The following ARL15 variants were observed in gnomAD, a reference collection of about 807,000 sequenced individuals.
ARL15 encodes the protein ARF like GTPase 15.
In ARL15, 19 loss-of-function variants were observed where a neutral mutation model predicts 25.2. The observed-to-expected ratio is 0.75, with a 90% CI of 0.53 to 1.10. The LOEUF (loss-of-function observed/expected upper bound fraction) is 1.10. Among genes scored for constraint, ARL15 ranks in the 50% least tolerant of loss-of-function variants. The probability of loss-of-function intolerance (pLI) is 0.00; values close to 1 mark genes in which losing one functional copy is unlikely to be tolerated. For synonymous variants in ARL15, 94 were observed against 86.8 expected (o/e 1.08, Z -0.46); for missense variants, 220 against 246.0 (o/e 0.89, Z 0.71).
chr5:54,193,369 C>T (rs1467219054), intron 1 of ARL15, among the ~76,000 whole-genome samples: 1 of 152,122 alleles, frequency 6.6e-6, no homozygotes, highest in East Asian at 1.9e-4. Flanking sequence ...TCCTCAACCC[C>T]CAGGCAGTGA....
intron 4 of ARL15, among the ~76,000 whole-genome samples, chr5:54,040,811 T>C (rs1750320320): frequency 6.6e-6 from 1 of 152,198 alleles, no homozygotes; most frequent in African/African-American, 2.4e-5. Flanking sequence ...GTGTAGTTTT[T>C]ATAGTGCATC....
chr5:53,954,686 T>A (rs1318791082), intron 4 of ARL15, among the ~76,000 whole-genome samples: 1 of 152,172 alleles, frequency 6.6e-6, no homozygotes, highest in Admixed American at 6.5e-5. Flanking sequence ...ATATTTTACA[T>A]AAATAGACTC....
intron 4 of ARL15, among the ~76,000 whole-genome samples, chr5:54,097,107 G>A: frequency 6.6e-6 from 1 of 152,120 alleles, no homozygotes; most frequent in Non-Finnish European, 1.5e-5. Flanking sequence ...ATGAGGTCAA[G>A]AGATCAAGAC....
chr5:54,271,397 C>A (rs2112645719), intron 1 of ARL15, among the ~76,000 whole-genome samples: 1 of 152,290 alleles, frequency 6.6e-6, no homozygotes, highest in African/African-American at 2.4e-5. Flanking sequence ...AACCTATGCA[C>A]ATCCTCCTAC....
At chr5:54,195,625 T>C (rs1243326266) in intron 1 of ARL15, among the ~76,000 whole-genome samples, 1 of 152,112 alleles carries the variant, frequency 6.6e-6, no homozygotes, top group East Asian at 1.9e-4. Context: ...CAATCAGAAA[T>C]GTGTAAAGGA....
chr5:54,275,404 G>A (rs1041702886), intron 1 of ARL15, among the ~76,000 whole-genome samples: 4 of 152,174 alleles, frequency 2.6e-5, no homozygotes, highest in East Asian at 1.9e-4. Flanking sequence ...GTATCATCAC[G>A]TACCTTAAGT....
chr5:54,156,591 T>C (rs577666899), intron 2 of ARL15, among the ~76,000 whole-genome samples: 3 of 152,246 alleles, frequency 2.0e-5, no homozygotes, highest in Non-Finnish European at 4.4e-5. Context: ...TAGTTGGAGA[T>C]GTAAAAGTTA....
intron 4 of ARL15, among the ~76,000 whole-genome samples, chr5:54,110,342 C>A (rs1025377695): frequency 6.6e-6 from 1 of 151,938 alleles, no homozygotes; most frequent in Non-Finnish European, 1.5e-5. Flanking sequence ...CACTCATCAA[C>A]CAATAGTGTG....
At chr5:54,209,737 T>C (rs1268447941) in intron 1 of ARL15, among the ~76,000 whole-genome samples, 3 of 152,140 alleles carry the variant, frequency 2.0e-5, no homozygotes, top group African/African-American at 7.2e-5. Context: ...TACCTAGACA[T>C]TGGCCAGACA....
At chr5:54,052,841 G>T (rs1455778165) in intron 4 of ARL15, among the ~76,000 whole-genome samples, 1 of 152,036 alleles carries the variant, frequency 6.6e-6, no homozygotes, top group Non-Finnish European at 1.5e-5. Flanking sequence ...GCAGATCTTG[G>T]TTTCTGATTC....
At chr5:54,306,047 A>T (rs1345682800) in intron 1 of ARL15, among the ~76,000 whole-genome samples, 1 of 152,208 alleles carries the variant, frequency 6.6e-6, no homozygotes, top group African/African-American at 2.4e-5. Flanking sequence ...TGCCTTACTT[A>T]ACCTGTCCTG....
intron 1 of ARL15, among the ~76,000 whole-genome samples, chr5:54,215,439 C>G (rs1057485501): frequency 6.6e-6 from 1 of 152,136 alleles, no homozygotes; most frequent in Non-Finnish European, 1.5e-5. Context: ...TTCCCTGTAA[C>G]ACCATCTGGA....
intron 4 of ARL15, among the ~76,000 whole-genome samples, chr5:54,080,551 A>AAC (rs1186132166): frequency 6.6e-6 from 1 of 152,218 alleles, no homozygotes; most frequent in African/African-American, 2.4e-5. Flanking sequence ...AAAAAGGCCT[A>AAC]ACGTTTTGTG....
At chr5:54,310,314 G>A in intron 1 of ARL15, 118 bp downstream of exon 1, 4 of 1,173,508 alleles carry the variant, frequency 3.4e-6, no homozygotes, top group Non-Finnish European at 4.7e-6. Context: ...GCGGGAGAAA[G>A]AACCCCAGAG....
intron 3 of ARL15, chr5:54,154,368 C>A (rs1036482379): frequency 7.2e-6 from 3 of 416,194 alleles, no homozygotes; most frequent in African/African-American, 2.1e-5. Flanking sequence ...TTGATTCATT[C>A]AAAAAACCCC....
At chr5:54,022,090 G>A (rs1371257121) in intron 4 of ARL15, among the ~76,000 whole-genome samples, 1 of 151,926 alleles carries the variant, frequency 6.6e-6, no homozygotes, top group Admixed American at 6.6e-5. Flanking sequence ...TCAGACGAAG[G>A]GAAACTCAGA....
At chr5:54,061,239 T>C (rs887618313) in intron 4 of ARL15, among the ~76,000 whole-genome samples, 12 of 152,252 alleles carry the variant, frequency 7.9e-5, no homozygotes, top group Middle Eastern at 6.8e-3. Flanking sequence ...TCTCAGGCCG[T>C]GGCTTCAGAT....
chr5:53,901,908 T>C (rs1463435485), intron 4 of ARL15, among the ~76,000 whole-genome samples: 1 of 152,220 alleles, frequency 6.6e-6, no homozygotes. Context: ...TGAGAATTTA[T>C]GCTTTTGTGT....
At chr5:54,067,940 C>T (rs1161297985) in intron 4 of ARL15, among the ~76,000 whole-genome samples, 5 of 152,148 alleles carry the variant, frequency 3.3e-5, no homozygotes, top group African/African-American at 1.2e-4. Flanking sequence ...CACACACCAC[C>T]TTTATGATAC....
Sources: gnomAD v4.1 joint callset for allele counts (sites outside exome capture counted in the v4.1 genomes callset) on GRCh38, gnomAD v4.1.1 for gene constraint, MANE v1.5 for transcripts, NCBI Gene and HGNC (gene_info 2026-07-23, HGNC 2026-07-21) for gene names.